Variants in SPON2 observed in about 807,000 individuals in gnomAD.
SPON2 encodes spondin 2.
Under a neutral mutation model 29.9 loss-of-function variants are expected in SPON2, and 32 were observed. The observed-to-expected ratio is 1.07, with a 90% CI of 0.81 to 1.44. SPON2 has a LOEUF of 1.44. Ranked by LOEUF, SPON2 falls within the 40% of genes most tolerant of loss-of-function variation. SPON2 has a pLI of 0.00. For missense variants in SPON2, 541 were observed against 455.5 expected (o/e 1.19, Z -1.71); for synonymous variants, 248 against 209.1 (o/e 1.19, Z -1.61).
chr4:1,173,675 C>T (rs1316527891), upstream of SPON2, among the ~76,000 whole-genome samples: 3 of 152,208 alleles, frequency 2.0e-5, no homozygotes, highest in African/African-American at 7.2e-5. Context: ...ACAAAACACT[C>T]TGATGTTTGG....
rs868378454 is a variant in SPON2, at chr4:1,171,743, C to G, written c.220+109G>C. 41 of 868,778 alleles carry G rather than the reference C, an allele frequency of 4.7e-5. No homozygotes were observed. The Middle Eastern group carries it at 8.8e-4, about 19-fold the overall frequency. 53.8% of individuals were successfully genotyped at this position (868,778 alleles called of 1,614,324 possible). A position where few individuals can be genotyped will look rare whatever the true frequency, so the allele number is the denominator to read the frequency against. ...CAAACATTCTGGTGTTAGAGTCTCC[C>G]GACGTCAGCACGCCCCAGACTGGGA... On this transcript the variant is annotated intron_variant, in intron 2 of 5. Coordinates refer to ENST00000290902, the MANE Select transcript of SPON2 (RefSeq NM_012445.4).
Position 1,171,009 on chromosome 4 carries a change from G to C in SPON2, c.626C>G (p.Thr209Arg). ...GGGGTGCCCACTCACCTCGGTCACC[G>C]TGTCCTGCGGGATGGTGGCGAAGTT... ...SPNFATIPQD[T>R]VTEITSSSPS... is the part of the protein sequence containing the mutation. Residue 209 changes from threonine (T) to arginine (R), a missense_variant, in exon 4 of 6, where the codon ACG (threonine) becomes AGG (arginine). Transcript: ENST00000290902. 6.5e-7 allele frequency: 1 copy of C among 1,548,258 alleles called. No homozygotes were observed. The highest frequency in any genetic ancestry group is 8.7e-7 in the Non-Finnish European group (1 of 1,145,402).
At position 1,189,988 on chromosome 4, in the gene SPON2, TCAA is replaced by T. The variant is rs765990242; in HGVS notation, c.-239+4999_-239+5001del. ...CTGGGTGACAGAGTGAGACTCCATC[TCAA>T]AAAAAAAAAAAAAAAAGTTGGTTTT... On this transcript the variant is annotated intron_variant, in intron 1 of 3. Coordinates refer to the SPON2 transcript ENST00000502483. 2.1e-3 allele frequency among the ~76,000 whole-genome samples: 241 copies of T among 113,742 alleles called. 1 individual carries two copies. The highest frequency in any genetic ancestry group is 0.021 in the Middle Eastern group (4 of 194). The allele number at this position is 113,742 out of a possible 152,430, so 74.6% of individuals were successfully genotyped here.
intron 2 of SPON2, among the ~76,000 whole-genome samples, chr4:1,178,351 C>T (rs1727644943): frequency 2.0e-5 from 3 of 152,202 alleles, no homozygotes; most frequent in Non-Finnish European, 4.4e-5. Flanking sequence ...GCCCTTGAGA[C>T]TTCAGACTCG....
intron 1 of SPON2, among the ~76,000 whole-genome samples, chr4:1,187,338 G>A (rs1727825304): frequency 6.6e-6 from 1 of 152,206 alleles, no homozygotes; most frequent in African/African-American, 2.4e-5. Context: ...GAGACAGACA[G>A]CAGATTGGTG....
chr4:1,176,955 AGTGACCCCACTAGGCCCAAG>A, upstream of SPON2, among the ~76,000 whole-genome samples: 1 of 152,246 alleles, frequency 6.6e-6, no homozygotes, highest in African/African-American at 2.4e-5. Flanking sequence ...GGGACAAAGG[AGTGACCCCACTAGGCCCAAG>A]GTTGCAGGGG....
chr4:1,170,086 T>G (rs1034609367), intron 5 of SPON2: 4 of 303,682 alleles, frequency 1.3e-5, no homozygotes, highest in Non-Finnish European at 2.5e-5. Context: ...CAAGCTTCCT[T>G]GTCAGCTGTG....
chr4:1,173,745 A>G (rs916999012), upstream of SPON2, among the ~76,000 whole-genome samples: 1 of 152,238 alleles, frequency 6.6e-6, no homozygotes, highest in South Asian at 2.1e-4. Flanking sequence ...AGCAACTAGG[A>G]CAGAATGCAA....
At chr4:1,201,879 A>G (rs1436084886) in intron 1 of SPON2, among the ~76,000 whole-genome samples, 1 of 152,298 alleles carries the variant, frequency 6.6e-6, no homozygotes, top group East Asian at 1.9e-4. Flanking sequence ...CACCTCGCCC[A>G]GCCGGTGCTG....
chr4:1,177,576 C>T (rs918828812), upstream of SPON2, among the ~76,000 whole-genome samples: 11 of 152,128 alleles, frequency 7.2e-5, 1 homozygote, highest in Middle Eastern at 9.5e-3. Context: ...TGCCACCCTG[C>T]TCTGTTTCGC....
chr4:1,206,287 G>A (rs1211052967), intron 1 of SPON2, among the ~76,000 whole-genome samples: 1 of 151,678 alleles, frequency 6.6e-6, no homozygotes, highest in Admixed American at 6.6e-5. Context: ...AAGGGTCTGC[G>A]GGTGCCACTC....
intron 1 of SPON2, among the ~76,000 whole-genome samples, chr4:1,191,478 C>G (rs1727912989): frequency 6.6e-6 from 1 of 152,196 alleles, no homozygotes; most frequent in Non-Finnish European, 1.5e-5. Flanking sequence ...TAAAATTGAT[C>G]AAAGACCTAA....
chr4:1,185,708 C>CAAAAAAAACAA (rs1553830767), intron 1 of SPON2, among the ~76,000 whole-genome samples: 10 of 69,648 alleles, frequency 1.4e-4, no homozygotes, highest in Non-Finnish European at 2.4e-4. Context: ...ACTCCATCTC[C>CAAAAAAAACAA]AAAAAAAAAA....
chr4:1,188,994 C>G (rs1375556534), intron 1 of SPON2, among the ~76,000 whole-genome samples: 4 of 152,036 alleles, frequency 2.6e-5, no homozygotes, highest in Non-Finnish European at 4.4e-5. Context: ...TGTTCTCTTA[C>G]CACAATTGAA....
rs139287689 is a variant in SPON2, at chr4:1,185,066, G to A, written c.-238-5525C>T. 3.2e-3 allele frequency among the ~76,000 whole-genome samples: 491 copies of A among 151,760 alleles called. 2 individuals carry two copies. Among genetic ancestry groups the A allele is most frequent in the African/African-American group, 0.01 (430 of 41,402 alleles). On this transcript the variant is annotated intron_variant, in intron 1 of 3. Coordinates refer to the SPON2 transcript ENST00000502483. ...AGACCATTCAATGGGAGAAATAATA[G>A]TCTTATAGTCTTTTTTCTTTTTCTT...
In SPON2 at chr4:1,184,924, A is replaced by G. The variant is rs375288448; in HGVS notation, c.-238-5383T>C. Among the ~76,000 whole-genome samples, 62 of 139,404 alleles carry G rather than the reference A, an allele frequency of 4.4e-4. 2 individuals carry two copies. In the Middle Eastern group the frequency reaches 0.039, roughly 88 times the overall value. The allele number at this position is 139,404 out of a possible 152,430, so 91.5% of individuals were successfully genotyped here. On this transcript the variant is annotated intron_variant, in intron 1 of 3. Transcript: ENST00000502483. ...TGCACTCCAGCTTGGGCGACAGTGC[A>G]AGACTCTGTCTCAAAAAAAAAAAAA... is the stretch of plus-strand genomic sequence containing the variant.
In SPON2 at chr4:1,167,533, T is replaced by C; in HGVS notation, c.935A>G (p.Asn312Ser). Residue 312 changes from asparagine (N) to serine (S), a missense_variant, in exon 6 of 6, where the codon AAC becomes AGC. Asn to Ser is a conservative substitution (Grantham distance 46). Coordinates refer to ENST00000290902, the MANE Select transcript of SPON2 (RefSeq NM_012445.4). ...TTCGAGCTCGGGGCAGGGGCTCCCG[T>C]TGTTGGCGGGCTGGACCCGGACGTA... is the stretch of plus-strand genomic sequence containing the variant. ...TRYVRVQPAN[N>S]GSPCPELEEE... The C allele has an allele frequency of 6.2e-7, 1 of 1,613,806 alleles. No homozygotes were observed. The highest frequency in any genetic ancestry group is 8.5e-7 in the Non-Finnish European group (1 of 1,180,004).
At chr4:1,181,559 C>G (rs1465345081) in intron 1 of SPON2, among the ~76,000 whole-genome samples, 2 of 152,204 alleles carry the variant, frequency 1.3e-5, no homozygotes, top group Non-Finnish European at 1.5e-5. Flanking sequence ...ATTGCACTGG[C>G]AGAATCTGTC....
intron 1 of SPON2, among the ~76,000 whole-genome samples, chr4:1,186,006 A>G (rs1727787570): frequency 6.6e-6 from 1 of 151,452 alleles, no homozygotes; most frequent in Admixed American, 6.6e-5. Flanking sequence ...GCACTTTGGG[A>G]GGCCGAGGCG....
Sources: allele counts gnomAD v4.1 joint callset (sites outside exome capture counted in the v4.1 genomes callset), GRCh38; gene constraint gnomAD v4.1.1; transcripts MANE v1.5; gene names NCBI Gene and HGNC (gene_info 2026-07-23, HGNC 2026-07-21).